Variants in AKAP10 observed in about 807,000 individuals in gnomAD.
AKAP10 encodes A-kinase anchoring protein 10.
A neutral mutation model predicts 80.8 loss-of-function variants in AKAP10; 24 were observed. The ratio of observed to expected loss-of-function variants is 0.30; its 90% CI spans 0.22 to 0.42. The LOEUF is 0.42. AKAP10 is among the 10% of genes least tolerant of loss of function. The probability of loss-of-function intolerance (pLI) is 1.00; values close to 1 mark genes in which losing one functional copy is unlikely to be tolerated. For missense variants in AKAP10, 661 were observed against 794.9 expected (o/e 0.83, Z 2.03); for synonymous variants, 291 against 277.7 (o/e 1.05, Z -0.48).
At chr17:19,924,747 C>T (rs2042857582) in intron 10 of AKAP10, among the ~76,000 whole-genome samples, 1 of 152,076 alleles carries the variant, frequency 6.6e-6, no homozygotes, top group Non-Finnish European at 1.5e-5. Context: ...GTGACTGAAG[C>T]CTATAATTCC....
chr17:19,961,598 T>C (rs768958864), intron 3 of AKAP10, among the ~76,000 whole-genome samples: 1 of 152,214 alleles, frequency 6.6e-6, no homozygotes, highest in African/African-American at 2.4e-5. Context: ...TAGAAGTCCA[T>C]TGGTTCATGG....
At chr17:19,944,995 C>T (rs2043088001) in intron 5 of AKAP10, among the ~76,000 whole-genome samples, 1 of 152,108 alleles carries the variant, frequency 6.6e-6, no homozygotes, top group African/African-American at 2.4e-5. Flanking sequence ...TAAAATAGTC[C>T]AACTGCAAGA....
intron 2 of AKAP10, among the ~76,000 whole-genome samples, chr17:19,963,435 A>C (rs2043378040): frequency 6.6e-6 from 1 of 152,184 alleles, no homozygotes; most frequent in Non-Finnish European, 1.5e-5. Flanking sequence ...AAAAAGTTAA[A>C]TTAAAAGAGG....
chr17:19,927,850 C>T (rs145994555), intron 10 of AKAP10, among the ~76,000 whole-genome samples: 1,872 of 151,464 alleles, frequency 0.012, 37 homozygotes, highest in African/African-American at 0.043. Flanking sequence ...GCAGAGGTTG[C>T]AGTGAGCCAA....
At chr17:19,945,122 G>A (rs1033191621) in intron 5 of AKAP10, among the ~76,000 whole-genome samples, 3 of 152,134 alleles carry the variant, frequency 2.0e-5, no homozygotes, top group Non-Finnish European at 4.4e-5. Flanking sequence ...CTGGGATAGA[G>A]GTTTTCTCAA....
rs147419895 is a variant in AKAP10, at chr17:19,907,853, T to C, written c.1983+1328A>G. Among the ~76,000 whole-genome samples the C allele has an allele frequency of 3.9e-5, 6 of 152,284 alleles. No homozygotes were observed. The East Asian group carries it at 5.8e-4, about 15-fold the overall frequency. The stretch of plus-strand genomic sequence containing the variant: ...TCATGTCATGCTTGGTAATTTGTGA[T>C]TGACGTCAGACATTCTTTTTTTTTT... On this transcript the variant is annotated intron_variant, in intron 14 of 14. Coordinates refer to ENST00000225737, the MANE Select transcript of AKAP10 (RefSeq NM_007202.4).
intron 10 of AKAP10, among the ~76,000 whole-genome samples, chr17:19,930,609 C>G (rs901436654): frequency 1.3e-5 from 2 of 151,944 alleles, no homozygotes; most frequent in African/African-American, 4.8e-5. Flanking sequence ...ATAGCAAGAC[C>G]CTGTCTCTTT....
chr17:19,947,327 A>T (rs571451117), intron 5 of AKAP10, 80 bp downstream of exon 5: 1 of 1,085,620 alleles, frequency 9.2e-7, no homozygotes, highest in East Asian at 2.4e-5. Flanking sequence ...AGAAAAAATT[A>T]TCTTAGTCAA....
intron 9 of AKAP10, among the ~76,000 whole-genome samples, chr17:19,933,159 C>G (rs1049131648): frequency 4.6e-5 from 7 of 152,074 alleles, no homozygotes; most frequent in African/African-American, 1.4e-4. Flanking sequence ...GCTGGGATTA[C>G]AGGTGTCCGC....
At chr17:19,926,503 T>C (rs1386481527) in intron 10 of AKAP10, among the ~76,000 whole-genome samples, 2 of 152,166 alleles carry the variant, frequency 1.3e-5, no homozygotes, top group African/African-American at 4.8e-5. Context: ...ATAAATGACA[T>C]GATCTTATAT....
chr17:19,951,810 T>G (rs953686305), intron 4 of AKAP10, among the ~76,000 whole-genome samples: 14 of 151,770 alleles, frequency 9.2e-5, no homozygotes, highest in Admixed American at 4.6e-4. Flanking sequence ...GTTCACATGT[T>G]TATCTGCTGA....
At chr17:19,933,595 A>C (rs1034969222) in intron 9 of AKAP10, among the ~76,000 whole-genome samples, 8 of 152,176 alleles carry the variant, frequency 5.3e-5, no homozygotes, top group African/African-American at 1.9e-4. Context: ...TATATGATAC[A>C]GATCTGAACT....
At chr17:19,910,748 A>C (rs925639099) in intron 12 of AKAP10, among the ~76,000 whole-genome samples, 1 of 151,626 alleles carries the variant, frequency 6.6e-6, no homozygotes, top group African/African-American at 2.4e-5. Flanking sequence ...AGGGCTTCTA[A>C]GACAGAGTAT....
rs899217539 is a variant in AKAP10 at position 19,920,871 on chromosome 17, AAAAAAAAAAAAAAAG to A, written c.1752-768_1752-754del. On this transcript the variant is annotated intron_variant, in intron 11 of 14. Coordinates refer to ENST00000225737, the MANE Select transcript of AKAP10 (RefSeq NM_007202.4). ...ACTCTATCTCAAAAAAAAAAAAAAA[AAAAAAAAAAAAAAAG>A]CAAAAAATACAGTAAGGGTCTTATT... is the stretch of plus-strand genomic sequence containing the variant. 8.0e-5 allele frequency among the ~76,000 whole-genome samples: 12 copies of A among 149,470 alleles called. No homozygotes were observed. The South Asian group carries it at 8.4e-4, about 10-fold the overall frequency.
intron 4 of AKAP10, among the ~76,000 whole-genome samples, chr17:19,950,748 G>A (rs906808638): frequency 2.6e-5 from 4 of 152,070 alleles, no homozygotes; most frequent in Non-Finnish European, 5.9e-5. Flanking sequence ...GGGAAGTGAG[G>A]AGCGTCTCTG....
intron 5 of AKAP10, among the ~76,000 whole-genome samples, chr17:19,945,660 C>G (rs1055469094): frequency 5.3e-5 from 8 of 152,080 alleles, no homozygotes; most frequent in African/African-American, 1.9e-4. Flanking sequence ...GAATAGCTAA[C>G]TGGAAGGTAC....
At chr17:19,912,541 A>G (rs1160271969) in intron 12 of AKAP10, among the ~76,000 whole-genome samples, 1 of 152,130 alleles carries the variant, frequency 6.6e-6, no homozygotes, top group Non-Finnish European at 1.5e-5. Context: ...CATCTCAGAA[A>G]AAAACAAAAC....
At chr17:19,957,007 G>C (rs774997598) in intron 4 of AKAP10, among the ~76,000 whole-genome samples, 1 of 151,942 alleles carries the variant, frequency 6.6e-6, no homozygotes, top group Non-Finnish European at 1.5e-5. Flanking sequence ...GAGAATGAGT[G>C]AACTAAAAGA....
At chr17:19,915,313 C>T (rs1430574086) in intron 12 of AKAP10, among the ~76,000 whole-genome samples, 1 of 152,054 alleles carries the variant, frequency 6.6e-6, no homozygotes, top group Non-Finnish European at 1.5e-5. Flanking sequence ...AATAACACAA[C>T]CAGGAAAGTA....
Sources: gnomAD v4.1 joint callset for allele counts (sites outside exome capture counted in the v4.1 genomes callset) on GRCh38, gnomAD v4.1.1 for gene constraint, MANE v1.5 for transcripts, NCBI Gene and HGNC (gene_info 2026-07-23, HGNC 2026-07-21) for gene names.